The following INSR variants were observed in gnomAD, a reference collection of about 807,000 sequenced individuals.
INSR encodes the protein IR.
Under a neutral mutation model 142.6 loss-of-function variants are expected in INSR, and 67 were observed. That is an observed-to-expected ratio of 0.47 (90% CI 0.39 to 0.58). The LOEUF is 0.58. INSR is among the 20% of genes least tolerant of loss of function. The probability of loss-of-function intolerance (pLI) is 0.00; values close to 1 mark genes in which losing one functional copy is unlikely to be tolerated. For synonymous variants in INSR, 756 were observed against 743.1 expected (o/e 1.02, Z -0.28); for missense variants, 1,248 against 1,833.2 (o/e 0.68, Z 5.83).
chr19:7,190,319 G>A (rs1974544193), intron 2 of INSR, among the ~76,000 whole-genome samples: 1 of 149,500 alleles, frequency 6.7e-6, no homozygotes, highest in South Asian at 2.1e-4. Context: ...TAATCCTGCT[G>A]TTCCCTCACT....
At chr19:7,214,820 C>T (rs887533841) in intron 2 of INSR, among the ~76,000 whole-genome samples, 2 of 143,428 alleles carry the variant, frequency 1.4e-5, no homozygotes, top group African/African-American at 5.2e-5. Flanking sequence ...CCCTCCCTCC[C>T]TTTCCTTCCT....
chr19:7,138,360 T>A (rs1362657895), intron 13 of INSR, among the ~76,000 whole-genome samples: 1 of 152,088 alleles, frequency 6.6e-6, no homozygotes, highest in Non-Finnish European at 1.5e-5. Flanking sequence ...TGAACAAAGG[T>A]CATCCCAAAC....
At chr19:7,156,498 C>T (rs1973595514) in intron 9 of INSR, among the ~76,000 whole-genome samples, 1 of 152,024 alleles carries the variant, frequency 6.6e-6, no homozygotes, top group African/African-American at 2.4e-5. Context: ...GGTGTCAGGA[C>T]CTGGCTGGGG....
chr19:7,267,577 G>A lies in INSR; in HGVS notation c.420C>T (p.Thr140=), dbSNP rs1184221562. The change falls in exon 2 of 22, where the codon ACC becomes ACT. Residue 140 remains threonine (T), a synonymous_variant. Coordinates refer to ENST00000302850, the MANE Select transcript of INSR (RefSeq NM_000208.4). This position sits in a 1 kb window ranked among gnomAD's most constrained non-coding sequence, Gnocchi z 6.3. ...ELGLYNLMNI[T]RGSVRIEKNN... ...TCTTCTCGATGCGGACAGAACCCCGGGTGATGTTCATCAGGTTGTAGAGGC... is the reference window on the plus strand; with the variant it reads ...TCTTCTCGATGCGGACAGAACCCCGAGTGATGTTCATCAGGTTGTAGAGGC... The A allele has an allele frequency of 6.2e-7, 1 of 1,614,090 alleles. No homozygotes were observed. Among genetic ancestry groups the A allele is most frequent in the South Asian group, 1.1e-5 (1 of 91,076 alleles).
At chr19:7,164,515 C>T (rs537204337) in intron 8 of INSR, among the ~76,000 whole-genome samples, 1 of 151,444 alleles carries the variant, frequency 6.6e-6, no homozygotes, top group East Asian at 2.0e-4. Flanking sequence ...GAAGCCCCAT[C>T]TCTATTAAAA....
At chr19:7,120,216 T>A (rs1317364527) in intron 20 of INSR, among the ~76,000 whole-genome samples, 3 of 152,222 alleles carry the variant, frequency 2.0e-5, no homozygotes, top group Admixed American at 2.0e-4. Context: ...CCCTCCCCAC[T>A]TCGAGTTGTC....
In INSR at chr19:7,174,671, C is replaced by T; in HGVS notation, c.1035G>A (p.Glu345=). Residue 345 remains glutamate (E), a synonymous_variant, in exon 4 of 22, where the codon GAG becomes GAA. Transcript: ENST00000302850. ...CPKVCHLLEG[E]KTIDSVTSAQ... is the part of the protein sequence containing the mutation. ...CAGACGTCACCGAGTCGATGGTCTTCTCGCCTTCTAGGAGGTGGCACACCT... is the reference window on the plus strand; with the variant it reads ...CAGACGTCACCGAGTCGATGGTCTTTTCGCCTTCTAGGAGGTGGCACACCT... The T allele has an allele frequency of 1.2e-6, 2 of 1,613,916 alleles. No individual in the cohort carries two copies. The highest frequency in any genetic ancestry group is 1.7e-6 in the Non-Finnish European group (2 of 1,179,956).
intron 1 of INSR, among the ~76,000 whole-genome samples, chr19:7,275,211 G>T (rs921067653): frequency 6.6e-6 from 1 of 151,876 alleles, no homozygotes; most frequent in East Asian, 2.0e-4. Flanking sequence ...CTGACCTCAG[G>T]TGATCCACCT....
intron 2 of INSR, among the ~76,000 whole-genome samples, chr19:7,237,479 T>C (rs1454152655): frequency 6.6e-6 from 1 of 151,138 alleles, no homozygotes; most frequent in Non-Finnish European, 1.5e-5. Flanking sequence ...ACCATGCCAC[T>C]GCACTCCAAC....
rs534621129 is a variant in INSR, at chr19:7,218,913, G to A, written c.653-34276C>T. 2.0e-5 allele frequency among the ~76,000 whole-genome samples: 3 copies of A among 152,246 alleles called. No homozygotes were observed. The East Asian group carries it at 5.8e-4, about 29-fold the overall frequency. Reference sequence around the variant, plus strand: ...GAAGTATCACAGGGAAAAGCATGTAGGTAGAGGGAACAGCAAGTGCCGAGG... The same window carrying A: ...GAAGTATCACAGGGAAAAGCATGTAAGTAGAGGGAACAGCAAGTGCCGAGG... On this transcript the variant is annotated intron_variant, in intron 2 of 21. Transcript: ENST00000302850.
In INSR at chr19:7,123,063, G is replaced by T. The variant is rs1055982241; in HGVS notation, c.3259-74C>A. 3 of 1,118,720 alleles carry T rather than the reference G, an allele frequency of 2.7e-6. No homozygotes were observed. In the African/African-American group the frequency reaches 4.6e-5, roughly 17 times the overall value. The allele number at this position is 1,118,720 out of a possible 1,614,324, so 69.3% of individuals were successfully genotyped here. On this transcript the variant is annotated intron_variant, in intron 17 of 21. Transcript: ENST00000302850. The stretch of plus-strand genomic sequence containing the variant: ...TCACCAGGGTTCTCCTCCCTCCCTG[G>T]TGTCTATGTCACACACAGCACCCTG...
At chr19:7,175,030 G>T (rs2144962513) in intron 3 of INSR, among the ~76,000 whole-genome samples, 1 of 152,110 alleles carries the variant, frequency 6.6e-6, no homozygotes, top group South Asian at 2.1e-4. Context: ...TTTGAGTAGA[G>T]ACGGGGTTTT....
chr19:7,267,736 G>T lies in INSR; in HGVS notation c.261C>A (p.Tyr87Ter). The T allele has an allele frequency of 6.2e-7, 1 of 1,614,176 alleles. No homozygotes were observed. Among genetic ancestry groups the T allele is most frequent in the Non-Finnish European group, 8.5e-7 (1 of 1,180,026 alleles). Residue 87 changes from tyrosine to a stop codon, truncating the protein, a stop_gained, in exon 2 of 22, where the codon TAC (tyrosine) becomes TAA (stop). Transcript: ENST00000302850. LOFTEE classifies it high-confidence loss of function. This position sits in a 1 kb window ranked among gnomAD's most constrained non-coding sequence, Gnocchi z 6.3. ...GCCCATAGACCCGGAAGAGCAGCAA[G>T]TAATCAGTGATCATGATGAGTTTGG... ...SFPKLIMITD[Y>*]LLLFRVYGLE...
Position 7,163,210 on chromosome 19 carries a change from G to A in INSR, c.1862-11C>T, listed in dbSNP as rs760856662. On this transcript the variant is annotated splice_polypyrimidine_tract_variant and intron_variant, in intron 8 of 21. Coordinates refer to ENST00000302850, the MANE Select transcript of INSR (RefSeq NM_000208.4). ...GGGGCACAGAGGGGTCTGTCAGGGA[G>A]AAAGGAAATGGGTCCATCATGAGAA... 1.1e-5 allele frequency: 18 copies of A among 1,609,356 alleles called. No individual in the cohort carries two copies. Among genetic ancestry groups the A allele is most frequent in the Non-Finnish European group, 1.4e-5 (16 of 1,176,156 alleles).
intron 2 of INSR, among the ~76,000 whole-genome samples, chr19:7,246,368 G>A (rs771412638): frequency 1.3e-5 from 2 of 152,136 alleles, no homozygotes; most frequent in African/African-American, 2.4e-5. Context: ...TAGCCAACTG[G>A]AGGATGAGCA....
At chr19:7,285,093 T>C (rs1968311657) in intron 1 of INSR, among the ~76,000 whole-genome samples, 1 of 151,972 alleles carries the variant, frequency 6.6e-6, no homozygotes, top group African/African-American at 2.4e-5. Flanking sequence ...GATGGGAGGA[T>C]CACTTGAGGC....
intron 1 of INSR, among the ~76,000 whole-genome samples, chr19:7,269,726 C>T (rs1358086346): frequency 6.6e-6 from 1 of 152,068 alleles, no homozygotes; most frequent in East Asian, 1.9e-4. Context: ...GTCCCCATCC[C>T]ATAGATGAGA....
chr19:7,200,145 G>T (rs1375813608), intron 2 of INSR, among the ~76,000 whole-genome samples: 1 of 145,750 alleles, frequency 6.9e-6, no homozygotes, highest in Non-Finnish European at 1.5e-5. Flanking sequence ...CCCCACAGCA[G>T]AAGCCAAAGA....
At chr19:7,279,165 A>T (rs774238903) in intron 1 of INSR, among the ~76,000 whole-genome samples, 10 of 151,840 alleles carry the variant, frequency 6.6e-5, no homozygotes, top group Non-Finnish European at 1.5e-4. Flanking sequence ...AAAATAAAAT[A>T]AATATCCCTC....
Sources: allele counts gnomAD v4.1 joint callset (sites outside exome capture counted in the v4.1 genomes callset), GRCh38; gene constraint gnomAD v4.1.1; non-coding constraint Gnocchi (gnomAD v3.1); transcripts MANE v1.5; gene names NCBI Gene and HGNC (gene_info 2026-07-23, HGNC 2026-07-21).